ITGA7: variants seen among roughly 807,000 people sequenced by gnomAD.
ITGA7 encodes integrin alpha-7.
Under a neutral mutation model 131.6 loss-of-function variants are expected in ITGA7, and 84 were observed. The ratio of observed to expected loss-of-function variants is 0.64; its 90% confidence interval spans 0.54 to 0.77. ITGA7 has a LOEUF of 0.77. ITGA7 is among the 30% of genes least tolerant of loss of function. The pLI, the probability that ITGA7 is intolerant of heterozygous loss-of-function variation, is 0.00. For synonymous variants in ITGA7, 548 were observed against 600.7 expected, an observed-to-expected ratio of 0.91 and a Z score of 1.28; for missense variants, 1,399 against 1,482.9, an observed-to-expected ratio of 0.94 and a Z score of 0.93.
chr12:55,691,665 TA>T (rs1407802991), intron 21 of ITGA7, among the ~76,000 whole-genome samples: 1 of 152,222 alleles, frequency 6.6e-6, no homozygotes, highest in Non-Finnish European at 1.5e-5. Flanking sequence ...AGTTCCCATT[TA>T]AAAGGGAGGC....
Position 55,700,800 on chromosome 12 carries a change from G to A in ITGA7, c.670+99C>T, listed in dbSNP as rs573573764. On this transcript the variant is annotated intron_variant, in intron 4 of 24. Transcript: ENST00000257879. Reference sequence around the variant, plus strand: ...CAGTGCCCTGGGGCCATACAGCAGTGCACATGTGGTCATGCTTGGCCATGT... The same window carrying A: ...CAGTGCCCTGGGGCCATACAGCAGTACACATGTGGTCATGCTTGGCCATGT... The A allele has an allele frequency of 4.1e-6, 6 of 1,471,458 alleles. No individual in the cohort carries two copies. In the African/African-American group the frequency reaches 5.5e-5, roughly 14 times the overall value. 91.2% of individuals were successfully genotyped at this position (1,471,458 alleles called of 1,614,324 possible).
intron 14 of ITGA7, 36 bp downstream of exon 14, chr12:55,695,486 C>T: frequency 1.8e-6 from 2 of 1,108,872 alleles, no homozygotes; most frequent in Non-Finnish European, 1.4e-6. Context: ...TGAACTCTTG[C>T]CCTCCCACCC....
At chr12:55,716,289 A>C (rs942111202), upstream of ITGA7, 19 of 1,518,022 alleles carry the variant, frequency 1.3e-5, no homozygotes, top group African/African-American at 2.3e-4. Context: ...ATATCCAGGG[A>C]AAGACGCCAG....
Position 55,697,960 on chromosome 12 carries a change from C to A in ITGA7, c.1259G>T (p.Gly420Val), listed in dbSNP as rs1873029562. The A allele has an allele frequency of 5.0e-6, 8 of 1,614,024 alleles. No homozygotes were observed. Among genetic ancestry groups the A allele is most frequent in the Non-Finnish European group, 6.8e-6 (8 of 1,180,042 alleles). ...CACCTGTGAAGGTTTGGCGACAACCCCCAGGCTGCTCCCATGGTAGATGAA... is the reference window on the plus strand; with the variant it reads ...CACCTGTGAAGGTTTGGCGACAACCACCAGGCTGCTCCCATGGTAGATGAA... The part of the protein sequence containing the change: ...KVFIYHGSSL[G>V]VVAKPSQVLE... The change falls in exon 8 of 25, where the codon GGG becomes GTG. Residue 420 changes from glycine to valine, a missense_variant. Coordinates refer to ENST00000257879, the MANE Select transcript of ITGA7 (RefSeq NM_002206.3).
intron 9 of ITGA7, 47 bp from the exon 10 acceptor site, chr12:55,697,593 T>C (rs547940174): frequency 1.9e-6 from 3 of 1,610,064 alleles, no homozygotes; most frequent in African/African-American, 2.7e-5. Context: ...AACATGAGGC[T>C]GGGAAACACT....
At position 55,707,569 on chromosome 12, in the gene ITGA7, C is replaced by T. The variant is rs1875487985; in HGVS notation, c.114G>A (p.Val38=). Reference sequence around the variant, plus strand: ...CGCCCTCCTTGCGCAAGGCACCCATCACGTCCAGATTGAAGGCGACAGCCC... The same window carrying T: ...CGCCCTCCTTGCGCAAGGCACCCATTACGTCCAGATTGAAGGCGACAGCCC... ...FSRAVAFNLD[V]MGALRKEGEP... Residue 38 remains valine (V), a synonymous_variant, in exon 1 of 25, where the codon GTG becomes GTA. Transcript: ENST00000257879. The T allele has an allele frequency of 6.2e-7, 1 of 1,613,954 alleles. No individual in the cohort carries two copies.
At chr12:55,707,020 C>G (rs1189977465) in intron 1 of ITGA7, among the ~76,000 whole-genome samples, 2 of 152,210 alleles carry the variant, frequency 1.3e-5, no homozygotes, top group African/African-American at 4.8e-5. Context: ...AATGCTCTAG[C>G]AGGAAGTTAT....
chr12:55,688,746 T>C, intron 22 of ITGA7, 98 bp downstream of exon 22: 1 of 854,250 alleles, frequency 1.2e-6, no homozygotes, highest in Admixed American at 2.1e-5. Flanking sequence ...AGGGGGGGGA[T>C]GCTGCATTTG....
At chr12:55,687,861 G>A (rs2135952518) in intron 24 of ITGA7, 110 bp downstream of exon 24, 2 of 1,412,880 alleles carry the variant, frequency 1.4e-6, no homozygotes, top group Non-Finnish European at 2.0e-6. Flanking sequence ...AGTGTTCAGT[G>A]CAGATTTGCT....
At position 55,693,232 on chromosome 12, in the gene ITGA7, C is replaced by G; in HGVS notation, c.2621G>C (p.Trp874Ser). ...CTCAACCTGCATTGGGTACAGCAAC[C>G]ACTTCCCATTGGCAATCTCATGAGG... ...MWPHEIANGK[W>S]LLYPMQVELE... Residue 874 changes from tryptophan (W) to serine (S), a missense_variant, in exon 20 of 25, where the codon TGG (tryptophan) becomes TCG (serine). Physicochemically the swap from Trp to Ser is radical, Grantham distance 177. Coordinates refer to ENST00000257879, the MANE Select transcript of ITGA7 (RefSeq NM_002206.3). 1 of 1,614,136 alleles carries G rather than the reference C, an allele frequency of 6.2e-7. No individual in the cohort carries two copies. The highest frequency in any genetic ancestry group is 8.5e-7 in the Non-Finnish European group (1 of 1,180,018).
Position 55,694,031 on chromosome 12 carries a change from T to A in ITGA7, c.2525A>T (p.Tyr842Phe). 6.2e-7 allele frequency: 1 copy of A among 1,613,622 alleles called. No homozygotes were observed. Among genetic ancestry groups the A allele is most frequent in the Non-Finnish European group, 8.5e-7 (1 of 1,179,664 alleles). The change falls in exon 19 of 25, where the codon TAT becomes TTT. Residue 842 changes from tyrosine (Y) to phenylalanine (F), a missense_variant. Transcript: ENST00000257879. This position sits in a 1 kb window ranked among gnomAD's most constrained non-coding sequence, Gnocchi z 5.3. The part of the protein sequence containing the change: ...SERDVGSKVK[Y>F]EVTVSNQGQS... ...ATCCCTGACACTTACCGTGACCTCA[T>A]ACTTGACCTTGCTGCCCACATCCCG...
Position 55,702,962 on chromosome 12 carries a change from G to A in ITGA7, c.335-11C>T, listed in dbSNP as rs776852809. 12 of 1,613,046 alleles carry A rather than the reference G, an allele frequency of 7.4e-6. No individual in the cohort carries two copies. In the East Asian group the frequency reaches 2.7e-4, roughly 36 times the overall value. ...CCTTTTGCATATCAGCTAGAGGCAG[G>A]ACACTGGGAATTAGGGGAGGGAAGA... On this transcript the variant is annotated splice_polypyrimidine_tract_variant and intron_variant, in intron 2 of 24. Coordinates refer to ENST00000257879, the MANE Select transcript of ITGA7 (RefSeq NM_002206.3).
chr12:55,696,860 A>G (rs772843888), intron 12 of ITGA7, 39 bp downstream of exon 12: 2 of 1,611,326 alleles, frequency 1.2e-6, no homozygotes, highest in Admixed American at 3.3e-5. Flanking sequence ...AGATGGAGCC[A>G]TGAAAATGAC....
At chr12:55,697,103 T>C in intron 11 of ITGA7, 35 bp from the exon 12 acceptor site, 1 of 1,605,408 alleles carries the variant, frequency 6.2e-7, no homozygotes, top group Non-Finnish European at 8.5e-7. Flanking sequence ...GCTGCTGAGC[T>C]GCAGAGCTGC....
At chr12:55,693,731 C>T (rs1052216483) in intron 19 of ITGA7, among the ~76,000 whole-genome samples, 1 of 152,056 alleles carries the variant, frequency 6.6e-6, no homozygotes, top group Non-Finnish European at 1.5e-5. Flanking sequence ...ATTAACCCCC[C>T]GCCCCATGTT....
Position 55,689,055 on chromosome 12 carries a change from C to T in ITGA7, c.2845-98G>A, listed in dbSNP as rs112816797. ...CCTTACTTGACCTCAAACTCCCCTC[C>T]TCCAGGAAGTCTTCTCAAACTAATC... On this transcript the variant is annotated intron_variant, in intron 21 of 24. Coordinates refer to ENST00000257879, the MANE Select transcript of ITGA7 (RefSeq NM_002206.3). The T allele has an allele frequency of 1.1e-3, 951 of 870,948 alleles. 12 individuals carry two copies. The highest frequency in any genetic ancestry group is 9.7e-3 in the Admixed American group (480 of 49,420). The allele number at this position is 870,948 out of a possible 1,614,324, so 54.0% of individuals were successfully genotyped here.
At position 55,688,013 on chromosome 12, in the gene ITGA7, A is replaced by T. The variant is rs772919026; in HGVS notation, c.3141T>A (p.Ala1047=). The T allele has an allele frequency of 6.2e-6, 10 of 1,614,162 alleles. No homozygotes were observed. The highest frequency in any genetic ancestry group is 8.5e-6 in the Non-Finnish European group (10 of 1,180,012). The change falls in exon 24 of 25, where the codon GCT becomes GCA. Residue 1047 remains alanine, a synonymous_variant. Coordinates refer to ENST00000257879, the MANE Select transcript of ITGA7 (RefSeq NM_002206.3). ...CCAGCAGTGCTAGCACCAGCAGCCC[A>T]GCCAGTACAGCCAGGAGGATGACCC... ...PWWVILLAVL[A]GLLVLALLVL... is the part of the protein sequence containing the mutation.
chr12:55,707,280 A>C (rs1875396108), intron 1 of ITGA7, among the ~76,000 whole-genome samples, 197 bp downstream of exon 1: 1 of 152,112 alleles, frequency 6.6e-6, no homozygotes, highest in Non-Finnish European at 1.5e-5. Context: ...AAAGCAAAAT[A>C]CTGGTCTCAG....
chr12:55,716,077 G>C (rs535924264), upstream of ITGA7: 4 of 1,574,668 alleles, frequency 2.5e-6, no homozygotes, highest in Non-Finnish European at 3.4e-6. Context: ...CGAGGTGAGC[G>C]TTCCAGCTTC....
Sources: gnomAD v4.1 joint callset for allele counts (sites outside exome capture counted in the v4.1 genomes callset) on GRCh38, gnomAD v4.1.1 for gene constraint, Gnocchi (gnomAD v3.1) non-coding constraint, MANE v1.5 for transcripts, NCBI Gene and HGNC (gene_info 2026-07-23, HGNC 2026-07-21) for gene names.